The following CAMK2B variants were observed in gnomAD, a reference collection of about 807,000 sequenced individuals.
CAMK2B encodes calcium/calmodulin dependent protein kinase II beta.
Under a neutral mutation model 93.7 loss-of-function variants are expected in CAMK2B, and 27 were observed. The ratio of observed to expected loss-of-function variants is 0.29; its 90% CI spans 0.21 to 0.40. CAMK2B has a LOEUF of 0.40. CAMK2B is among the 10% of genes least tolerant of loss of function. CAMK2B has a pLI of 1.00. For missense variants in CAMK2B, 568 were observed against 895.8 expected, an observed-to-expected ratio of 0.63 and a Z score of 4.67; for synonymous variants, 374 against 358.8, an observed-to-expected ratio of 1.04 and a Z score of -0.48.
intron 17 of CAMK2B, chr7:44,230,305 C>T (rs2096566474): frequency 6.6e-6 from 1 of 152,432 alleles, no homozygotes; most frequent in Admixed American, 6.5e-5. Context: ...GAGAAGTTTT[C>T]TCCCCTAAAC....
Position 44,220,059 on chromosome 7 carries a change from C to A in CAMK2B, c.*2+1G>T. 1 of 1,573,582 alleles carries A rather than the reference C, an allele frequency of 6.4e-7. No individual in the cohort carries two copies. The highest frequency in any genetic ancestry group is 8.6e-7 in the Non-Finnish European group (1 of 1,163,846). On this transcript the variant is annotated splice_donor_variant, in intron 23 of 23. Transcript: ENST00000395749. LOFTEE classifies it low-confidence loss of function (3UTR_SPLICE). ...GCTGTCACTTAGCACAGAACACTCA[C>A]CTTCACTGCAGCGGGGCCACAGGCG...
At chr7:44,234,760 A>T in intron 13 of CAMK2B, 84 bp from the exon 14 acceptor site, 1 of 1,433,574 alleles carries the variant, frequency 7.0e-7, no homozygotes. Context: ...GCCTGACCCC[A>T]CTCTTTCCCC....
chr7:44,228,185 C>A (rs1053663233), intron 19 of CAMK2B, among the ~76,000 whole-genome samples: 2 of 151,904 alleles, frequency 1.3e-5, no homozygotes, highest in African/African-American at 2.4e-5. Context: ...GAGTCACGGG[C>A]GTTACAGAGG....
chr7:44,276,902 A>G lies in CAMK2B; in HGVS notation c.160+7229T>C, dbSNP rs534014232. ...GGACTCAGCTTTCCCCCCATGTGAA[A>G]GGGGAGCCCACGCTCAGCTCAGAGG... On this transcript the variant is annotated intron_variant, in intron 2 of 23. Coordinates refer to ENST00000395749, the MANE Select transcript of CAMK2B (RefSeq NM_001220.5). Among the ~76,000 whole-genome samples the G allele has an allele frequency of 2.3e-3, 350 of 152,300 alleles. 2 individuals are homozygous for G. Among genetic ancestry groups the G allele is most frequent in the African/African-American group, 8.1e-3 (337 of 41,564 alleles).
chr7:44,241,132 G>C (rs1054086455), intron 11 of CAMK2B, among the ~76,000 whole-genome samples: 1 of 152,146 alleles, frequency 6.6e-6, no homozygotes, highest in African/African-American at 2.4e-5. Flanking sequence ...CTTCCGGGGA[G>C]AACTGCTCAG....
chr7:44,246,632 AC>A (rs1276137721), intron 6 of CAMK2B, among the ~76,000 whole-genome samples: 1 of 151,930 alleles, frequency 6.6e-6, no homozygotes, highest in African/African-American at 2.4e-5. Context: ...CAGACACGCC[AC>A]CACTCATGCA....
chr7:44,270,935 T>C (rs943237484), intron 2 of CAMK2B, among the ~76,000 whole-genome samples: 5 of 152,144 alleles, frequency 3.3e-5, no homozygotes, highest in African/African-American at 7.2e-5. Flanking sequence ...CTTTTCTTTT[T>C]TTTGATGGAG....
At chr7:44,221,695 G>A (rs1032181801) in intron 20 of CAMK2B, among the ~76,000 whole-genome samples, 3 of 152,214 alleles carry the variant, frequency 2.0e-5, no homozygotes, top group Admixed American at 6.5e-5. Context: ...GGCTACTCCC[G>A]GGCGCCTGCC....
chr7:44,289,812 T>G (rs1404646885), intron 1 of CAMK2B, among the ~76,000 whole-genome samples: 2 of 152,232 alleles, frequency 1.3e-5, no homozygotes, highest in South Asian at 4.1e-4. Flanking sequence ...AGGGCAGCGC[T>G]GGGCCACGCA....
intron 1 of CAMK2B, among the ~76,000 whole-genome samples, chr7:44,289,200 C>T (rs1451966188): frequency 6.6e-6 from 1 of 152,170 alleles, no homozygotes; most frequent in East Asian, 1.9e-4. Flanking sequence ...CCAACCCCCA[C>T]GGAGCTCCCC....
chr7:44,223,250 C>G (rs2096434340), intron 20 of CAMK2B, among the ~76,000 whole-genome samples: 1 of 152,198 alleles, frequency 6.6e-6, no homozygotes, highest in African/African-American at 2.4e-5. Flanking sequence ...TGGAAAGGCC[C>G]TTGCTCCTGA....
intron 2 of CAMK2B, among the ~76,000 whole-genome samples, chr7:44,283,336 C>A (rs1175407117): frequency 6.6e-6 from 1 of 151,922 alleles, no homozygotes; most frequent in Non-Finnish European, 1.5e-5. Flanking sequence ...GGCAGGGAGA[C>A]CCCGTGAGGG....
intron 1 of CAMK2B, among the ~76,000 whole-genome samples, chr7:44,295,202 A>G (rs1193325327): frequency 6.6e-6 from 1 of 152,262 alleles, no homozygotes; most frequent in Non-Finnish European, 1.5e-5. Flanking sequence ...AATACCTAAA[A>G]TGTGAAAAGA....
intron 2 of CAMK2B, among the ~76,000 whole-genome samples, chr7:44,272,046 C>A (rs2096979353): frequency 1.3e-5 from 2 of 152,162 alleles, no homozygotes; most frequent in Non-Finnish European, 2.9e-5. Flanking sequence ...GACCCCGTCA[C>A]AGGAGGCCCC....
chr7:44,220,945 T>C (rs1024746130), intron 20 of CAMK2B, 44 bp from the exon 21 acceptor site: 15 of 1,519,646 alleles, frequency 9.9e-6, no homozygotes, highest in African/African-American at 2.8e-5. Context: ...GCTGGCCCAT[T>C]CCCCCCGGAC....
intron 6 of CAMK2B, among the ~76,000 whole-genome samples, chr7:44,245,804 G>T (rs923423034): frequency 6.6e-6 from 1 of 152,174 alleles, no homozygotes; most frequent in Admixed American, 6.5e-5. Context: ...CTAAGGAAAG[G>T]TGTGACCCCC....
chr7:44,229,596 G>A (rs2096558693), intron 17 of CAMK2B, 95 bp from the exon 18 acceptor site: 3 of 462,752 alleles, frequency 6.5e-6, no homozygotes, highest in Admixed American at 4.2e-5. Flanking sequence ...GAGGGAGGGA[G>A]GGGGTGACAG....
intron 1 of CAMK2B, among the ~76,000 whole-genome samples, chr7:44,287,171 T>A (rs1422412164): frequency 6.6e-6 from 1 of 152,042 alleles, no homozygotes; most frequent in African/African-American, 2.4e-5. Context: ...TGCGCCCCGC[T>A]CCTGGGCTCT....
chr7:44,234,606 C>T (rs752591490), intron 14 of CAMK2B, 33 bp downstream of exon 14: 5 of 1,612,634 alleles, frequency 3.1e-6, no homozygotes, highest in South Asian at 1.1e-5. Flanking sequence ...GCTCTGGGCT[C>T]CCCGGCACCA....
Sources: allele counts gnomAD v4.1 joint callset (sites outside exome capture counted in the v4.1 genomes callset), GRCh38; gene constraint gnomAD v4.1.1; transcripts MANE v1.5; gene names NCBI Gene and HGNC (gene_info 2026-07-23, HGNC 2026-07-21).